ZNF804B: variants seen among roughly 807,000 people sequenced by gnomAD.
ZNF804B encodes zinc finger 804B.
ZNF804B carries 80 observed loss-of-function variants against 101.4 expected under a neutral mutation model. The observed-to-expected ratio is 0.79, with a 90% CI of 0.66 to 0.95. The LOEUF (loss-of-function observed/expected upper bound fraction) is 0.95. Ranked by LOEUF, ZNF804B falls within the 40% of genes least tolerant of loss-of-function variation. The pLI is 0.00. For missense variants in ZNF804B, 1,673 were observed against 1,561.9 expected (o/e 1.07, Z -1.20); for synonymous variants, 622 against 558.8 (o/e 1.11, Z -1.59).
intron 1 of ZNF804B, among the ~76,000 whole-genome samples, chr7:89,167,233 C>T (rs1375124395): frequency 6.6e-6 from 1 of 150,768 alleles, no homozygotes; most frequent in Non-Finnish European, 1.5e-5. Flanking sequence ...GTCAAGAGTT[C>T]GAGACCAGCC....
intron 1 of ZNF804B, among the ~76,000 whole-genome samples, chr7:89,123,500 T>C (rs1415262842): frequency 6.6e-6 from 1 of 152,162 alleles, no homozygotes; most frequent in Non-Finnish European, 1.5e-5. Flanking sequence ...AATGAAGGGT[T>C]TGCTTTATGC....
At chr7:89,142,259 CT>C (rs1159372044) in intron 1 of ZNF804B, among the ~76,000 whole-genome samples, 1 of 151,424 alleles carries the variant, frequency 6.6e-6, no homozygotes, top group Non-Finnish European at 1.5e-5. Context: ...TTCAGGGTTT[CT>C]TTTTTGTTTG....
At chr7:88,767,695 T>A (rs550964865) in intron 1 of ZNF804B, among the ~76,000 whole-genome samples, 1 of 152,308 alleles carries the variant, frequency 6.6e-6, no homozygotes, top group African/African-American at 2.4e-5. Context: ...TCAAAATCCT[T>A]GAATAATATT....
At chr7:89,061,581 G>A (rs1320327006) in intron 1 of ZNF804B, among the ~76,000 whole-genome samples, 2 of 152,100 alleles carry the variant, frequency 1.3e-5, no homozygotes, top group African/African-American at 2.4e-5. Flanking sequence ...TTGTGGATAA[G>A]AGCAGGGATT....
intron 1 of ZNF804B, among the ~76,000 whole-genome samples, chr7:89,195,293 C>T (rs13226850): frequency 0.12 from 16,414 of 140,066 alleles, 375 homozygotes; most frequent in Middle Eastern, 0.2. Flanking sequence ...CAGGGATGCC[C>T]TCTCTCACCA....
At chr7:89,039,326 CT>C (rs1381243690) in intron 1 of ZNF804B, among the ~76,000 whole-genome samples, 1 of 151,846 alleles carries the variant, frequency 6.6e-6, no homozygotes, top group Non-Finnish European at 1.5e-5. Context: ...ATTAATTCTT[CT>C]AATCAATTAA....
At chr7:88,884,742 A>G (rs1030808212) in intron 1 of ZNF804B, among the ~76,000 whole-genome samples, 3 of 151,790 alleles carry the variant, frequency 2.0e-5, no homozygotes, top group Non-Finnish European at 2.9e-5. Flanking sequence ...ACATGTTTTC[A>G]TGCTCTTTTG....
At chr7:89,200,368 T>A (rs577343248) in intron 1 of ZNF804B, among the ~76,000 whole-genome samples, 122 of 152,118 alleles carry the variant, frequency 8.0e-4, no homozygotes, top group African/African-American at 2.8e-3. Context: ...AGTTGGTGAA[T>A]TTATTTCCAC....
intron 1 of ZNF804B, among the ~76,000 whole-genome samples, chr7:88,867,547 A>G (rs1791748852): frequency 6.6e-6 from 1 of 152,316 alleles, no homozygotes; most frequent in East Asian, 1.9e-4. Flanking sequence ...GATTTTCCTC[A>G]CTAAGTGTAC....
At chr7:89,077,293 G>A (rs6946125) in intron 1 of ZNF804B, among the ~76,000 whole-genome samples, 44,751 of 151,852 alleles carry the variant, frequency 0.29, 6,928 homozygotes, top group East Asian at 0.52. Context: ...AGGGTAATTC[G>A]TTGAATAATG....
chr7:89,282,853 C>T (rs1258443268), intron 2 of ZNF804B, among the ~76,000 whole-genome samples: 1 of 152,070 alleles, frequency 6.6e-6, no homozygotes, highest in Admixed American at 6.5e-5. Context: ...CCAGAGTTTC[C>T]CCTAGACCCT....
chr7:88,833,429 C>CA (rs1791161982), intron 1 of ZNF804B, among the ~76,000 whole-genome samples: 3 of 151,672 alleles, frequency 2.0e-5, no homozygotes, highest in Non-Finnish European at 1.5e-5. Flanking sequence ...TTAGCTCTTA[C>CA]AAAAAAGTCA....
intron 1 of ZNF804B, among the ~76,000 whole-genome samples, chr7:88,895,360 G>T (rs1171834586): frequency 6.6e-6 from 1 of 152,200 alleles, no homozygotes; most frequent in Admixed American, 6.5e-5. Flanking sequence ...AATAAACCTT[G>T]CCATACTGGA....
chr7:89,335,763 C>T lies in ZNF804B; in HGVS notation c.2781C>T (p.Ile927=). 6.2e-7 allele frequency: 1 copy of T among 1,613,982 alleles called. No individual in the cohort carries two copies. Among genetic ancestry groups the T allele is most frequent in the South Asian group, 1.1e-5 (1 of 91,076 alleles). ...EGERTPLTAK[I]LLERVQAKKC... ...AGAGGACCCCTCTAACAGCAAAAATCCTTTTAGAAAGAGTACAAGCCAAGA... is the reference window on the plus strand; with the variant it reads ...AGAGGACCCCTCTAACAGCAAAAATTCTTTTAGAAAGAGTACAAGCCAAGA... The change falls in exon 4 of 4, where the codon ATC becomes ATT. Residue 927 remains isoleucine (I), a synonymous_variant. Transcript: ENST00000333190.
intron 1 of ZNF804B, among the ~76,000 whole-genome samples, chr7:89,007,446 TTATATA>T (rs61374091): frequency 0.054 from 3,107 of 57,172 alleles, 144 homozygotes; most frequent in East Asian, 0.16. Context: ...ATCCATGATT[TTATATA>T]TATATATATA....
In ZNF804B at chr7:89,073,616, C is replaced by T. The variant is rs114395029; in HGVS notation, c.109-144539C>T. Among the ~76,000 whole-genome samples the T allele has an allele frequency of 3.6e-3, 552 of 151,800 alleles. 3 individuals carry two copies. Among genetic ancestry groups the T allele is most frequent in the Middle Eastern group, 0.014 (4 of 290 alleles). On this transcript the variant is annotated intron_variant, in intron 1 of 3. Transcript: ENST00000333190. ...TTCTATATTCATAAGTAAAATTAGT[C>T]TATTATTTTGTTTTATACCACCTTC...
intron 1 of ZNF804B, among the ~76,000 whole-genome samples, chr7:89,074,681 C>T (rs1010131925): frequency 6.6e-6 from 1 of 152,114 alleles, no homozygotes; most frequent in Non-Finnish European, 1.5e-5. Context: ...TGGGGTGCTG[C>T]TCAAAAGATA....
chr7:88,762,432 A>ATCAC (rs1789912728), intron 1 of ZNF804B, among the ~76,000 whole-genome samples: 1 of 152,194 alleles, frequency 6.6e-6, no homozygotes, highest in African/African-American at 2.4e-5. Context: ...GGTGAAGTGG[A>ATCAC]TCACTACCTT....
chr7:89,087,659 T>C (rs1328459955), intron 1 of ZNF804B, among the ~76,000 whole-genome samples: 1 of 152,018 alleles, frequency 6.6e-6, no homozygotes, highest in Non-Finnish European at 1.5e-5. Flanking sequence ...TAAAATTTTG[T>C]TAAAATGTGG....
Sources: gnomAD v4.1 joint callset for allele counts (sites outside exome capture counted in the v4.1 genomes callset) on GRCh38, gnomAD v4.1.1 for gene constraint, MANE v1.5 for transcripts, NCBI Gene and HGNC (gene_info 2026-07-23, HGNC 2026-07-21) for gene names.